The following TMEM178A variants were observed in gnomAD, a reference collection of about 807,000 sequenced individuals.
TMEM178A encodes the protein transmembrane protein 178.
In TMEM178A, 12 loss-of-function variants were observed where a neutral mutation model predicts 29.1. That is an observed-to-expected ratio of 0.41 (90% CI 0.26 to 0.67). The LOEUF is 0.67. Among genes scored for constraint, TMEM178A ranks in the 30% least tolerant of loss-of-function variants. The probability of loss-of-function intolerance (pLI) is 0.29; values close to 1 mark genes in which losing one functional copy is unlikely to be tolerated. For missense variants in TMEM178A, 366 were observed against 419.1 expected, an observed-to-expected ratio of 0.87 and a Z score of 1.11; for synonymous variants, 210 against 187.2, an observed-to-expected ratio of 1.12 and a Z score of -0.99.
At chr2:39,672,492 C>G (rs1670446533) in intron 1 of TMEM178A, among the ~76,000 whole-genome samples, 1 of 152,162 alleles carries the variant, frequency 6.6e-6, no homozygotes. Context: ...CCCCATCAGG[C>G]AGACTGCTCG....
chr2:39,670,325 A>G (rs1472289601), intron 1 of TMEM178A, among the ~76,000 whole-genome samples: 3 of 152,206 alleles, frequency 2.0e-5, no homozygotes, highest in African/African-American at 2.4e-5. Context: ...TCACTCAACA[A>G]ATAGATGTTG....
the TMEM178A span, among the ~76,000 whole-genome samples, chr2:39,733,640 T>G: frequency 1.3e-5 from 2 of 152,342 alleles, no homozygotes; most frequent in South Asian, 4.1e-4. Flanking sequence ...ATGTCTTAAC[T>G]GTGCCAATAT....
downstream of TMEM178A, among the ~76,000 whole-genome samples, chr2:39,722,369 C>T (rs1019509387): frequency 6.6e-5 from 10 of 152,166 alleles, no homozygotes; most frequent in East Asian, 1.9e-3. Context: ...ATGGTTAACT[C>T]AGCGTTATAC....
At chr2:39,691,967 A>T (rs887786220) in intron 1 of TMEM178A, among the ~76,000 whole-genome samples, 1 of 151,968 alleles carries the variant, frequency 6.6e-6, no homozygotes, top group African/African-American at 2.4e-5. Context: ...ATATAATAGA[A>T]TATTTAATTC....
At chr2:39,688,462 T>G (rs1671173828) in intron 1 of TMEM178A, among the ~76,000 whole-genome samples, 1 of 152,240 alleles carries the variant, frequency 6.6e-6, no homozygotes, top group African/African-American at 2.4e-5. Flanking sequence ...GCTTTGGGAT[T>G]TGGCTTCTTC....
rs548036957 is a variant in TMEM178A, at chr2:39,715,734, G to A, written c.653-1276G>A. ...AGTGCACATTTGGAAGCGGATTCAGGCAACGTGCTCTTACATGATTTGAAT... is the reference window on the plus strand; with the variant it reads ...AGTGCACATTTGGAAGCGGATTCAGACAACGTGCTCTTACATGATTTGAAT... On this transcript the variant is annotated intron_variant, in intron 3 of 3. Coordinates refer to ENST00000281961, the MANE Select transcript of TMEM178A (RefSeq NM_152390.3). Among the ~76,000 whole-genome samples the A allele has an allele frequency of 3.9e-5, 6 of 152,252 alleles. No homozygotes were observed. In the South Asian group the frequency reaches 6.2e-4, roughly 16 times the overall value.
rs1242976160 is a variant in TMEM178A, at chr2:39,710,150, G to A, written c.652+2964G>A. 2.6e-5 allele frequency among the ~76,000 whole-genome samples: 4 copies of A among 152,156 alleles called. No homozygotes were observed. The East Asian group carries it at 7.7e-4, about 29-fold the overall frequency. On this transcript the variant is annotated intron_variant, in intron 3 of 3. Coordinates refer to ENST00000281961, the MANE Select transcript of TMEM178A (RefSeq NM_152390.3). ...AGGATCGAGCACGGGAAGCTCCTGT[G>A]TAATTGTTAGGCAACATCAAAATAT...
chr2:39,697,388 A>G (rs1255709539), intron 1 of TMEM178A, among the ~76,000 whole-genome samples: 1 of 152,226 alleles, frequency 6.6e-6, no homozygotes, highest in Non-Finnish European at 1.5e-5. Context: ...AGGACATAAA[A>G]CAGCTAATGG....
chr2:39,731,373 G>C, the TMEM178A span, among the ~76,000 whole-genome samples: 1 of 152,198 alleles, frequency 6.6e-6, no homozygotes, highest in East Asian at 1.9e-4. Context: ...TGCGGGCTGA[G>C]AAGTTCAAAA....
At chr2:39,687,006 TG>T (rs1671108446) in intron 1 of TMEM178A, among the ~76,000 whole-genome samples, 1 of 147,202 alleles carries the variant, frequency 6.8e-6, no homozygotes, top group Non-Finnish European at 1.5e-5. Flanking sequence ...TGTGTGTGTG[TG>T]TGTGTGTGTA....
chr2:39,718,274 G>A (rs777653065), downstream of TMEM178A, among the ~76,000 whole-genome samples: 1 of 151,660 alleles, frequency 6.6e-6, no homozygotes, highest in Admixed American at 6.6e-5. Flanking sequence ...TATGTATCCA[G>A]TCATAAGGAT....
intron 1 of TMEM178A, among the ~76,000 whole-genome samples, chr2:39,674,368 C>T (rs1039838766): frequency 1.4e-4 from 21 of 152,152 alleles, no homozygotes; most frequent in African/African-American, 5.1e-4. Flanking sequence ...TTTTCAGTAA[C>T]CTGGATGAGA....
intron 1 of TMEM178A, 116 bp downstream of exon 1, chr2:39,666,490 C>T (rs1394062721): frequency 2.6e-6 from 2 of 781,134 alleles, no homozygotes; most frequent in African/African-American, 3.7e-5. Context: ...CGCGCCTGGG[C>T]ATTCTTGCAT....
chr2:39,687,787 G>C (rs1305101519), intron 1 of TMEM178A, among the ~76,000 whole-genome samples: 1 of 152,252 alleles, frequency 6.6e-6, no homozygotes, highest in Non-Finnish European at 1.5e-5. Context: ...ACACAGGCCT[G>C]CCTGCTCTGT....
At chr2:39,666,426 C>A (rs1390059122) in intron 1 of TMEM178A, 52 bp downstream of exon 1, 1 of 1,241,854 alleles carries the variant, frequency 8.1e-7, no homozygotes, top group Non-Finnish European at 1.0e-6. Context: ...GGAGCGCAGC[C>A]CGCGGCTTCC....
chr2:39,687,471 T>C (rs1671133209), intron 1 of TMEM178A: 1 of 167,034 alleles, frequency 6.0e-6, no homozygotes, highest in African/African-American at 2.4e-5. Flanking sequence ...CTCATGCATG[T>C]CTAGGGCTCT....
At chr2:39,678,678 T>G (rs991448750) in intron 1 of TMEM178A, among the ~76,000 whole-genome samples, 2 of 152,212 alleles carry the variant, frequency 1.3e-5, no homozygotes, top group African/African-American at 4.8e-5. Context: ...TCGTACACTT[T>G]AGTTAAGATG....
intron 2 of TMEM178A, 120 bp downstream of exon 2, chr2:39,704,314 C>T: frequency 1.3e-6 from 1 of 775,936 alleles, no homozygotes; most frequent in Non-Finnish European, 2.1e-6. Flanking sequence ...CCTCTGGGCC[C>T]AATCAGATGT....
At chr2:39,704,257 C>G in intron 2 of TMEM178A, 63 bp downstream of exon 2, 1 of 1,359,366 alleles carries the variant, frequency 7.4e-7, no homozygotes, top group South Asian at 1.2e-5. Flanking sequence ...ATTCCCACCA[C>G]CCCTCTCACA....
Sources: gnomAD v4.1 joint callset for allele counts (sites outside exome capture counted in the v4.1 genomes callset) on GRCh38, gnomAD v4.1.1 for gene constraint, MANE v1.5 for transcripts, NCBI Gene and HGNC (gene_info 2026-07-23, HGNC 2026-07-21) for gene names.